HIVEP3: variants seen among roughly 807,000 people sequenced by gnomAD.
The protein encoded by HIVEP3 is HIVEP zinc finger 3.
In HIVEP3, 49 loss-of-function variants were observed where a neutral mutation model predicts 152.8. The ratio of observed to expected loss-of-function variants is 0.32; its 90% CI spans 0.26 to 0.41. The LOEUF (loss-of-function observed/expected upper bound fraction) is 0.41. Among genes scored for constraint, HIVEP3 ranks in the 10% least tolerant of loss-of-function variants. The pLI is 1.00. For missense variants in HIVEP3, 2,790 were observed against 3,103.3 expected, an observed-to-expected ratio of 0.90 and a Z score of 2.40; for synonymous variants, 1,269 against 1,289.0, an observed-to-expected ratio of 0.98 and a Z score of 0.33.
intron 1 of HIVEP3, among the ~76,000 whole-genome samples, chr1:41,916,117 C>A (rs1205930334): frequency 6.6e-6 from 1 of 152,212 alleles, no homozygotes; most frequent in Non-Finnish European, 1.5e-5. Flanking sequence ...GGACTTCAGA[C>A]TAAATGCATC....
chr1:41,593,330 T>A (rs531600306), intron 3 of HIVEP3, among the ~76,000 whole-genome samples: 1 of 152,358 alleles, frequency 6.6e-6, no homozygotes, highest in South Asian at 2.1e-4. Flanking sequence ...TTTCTTTTTT[T>A]AAATCTATGT....
At chr1:41,619,642 T>A (rs1280896852) in intron 3 of HIVEP3, among the ~76,000 whole-genome samples, 1 of 152,076 alleles carries the variant, frequency 6.6e-6, no homozygotes, top group Non-Finnish European at 1.5e-5. Flanking sequence ...GTCACCTGAC[T>A]GGTATGGGTG....
intron 2 of HIVEP3, among the ~76,000 whole-genome samples, chr1:41,660,937 A>G (rs1445411018): frequency 2.6e-5 from 4 of 152,216 alleles, no homozygotes; most frequent in African/African-American, 9.6e-5. Context: ...GGCACACAGG[A>G]CACTTATTAA....
intron 1 of HIVEP3, among the ~76,000 whole-genome samples, chr1:41,882,087 C>A (rs1644270814): frequency 6.6e-6 from 1 of 152,140 alleles, no homozygotes; most frequent in Admixed American, 6.5e-5. Flanking sequence ...TCATAAAAAT[C>A]CAAGAAACCA....
chr1:41,722,403 G>GCCTGCCTGCCTTCCTT (rs1553253035), intron 1 of HIVEP3, among the ~76,000 whole-genome samples: 8 of 113,054 alleles, frequency 7.1e-5, no homozygotes, highest in African/African-American at 2.9e-4. Context: ...AATTTGGCTG[G>GCCTGCCTGCCTTCCTT]CCTTCCTTCC....
chr1:41,509,303 G>T lies in HIVEP3; in HGVS notation c.*1148C>A, dbSNP rs1040822053. 2.0e-5 allele frequency: 3 copies of T among 152,214 alleles called. No individual in the cohort carries two copies. The highest frequency in any genetic ancestry group is 7.2e-5 in the African/African-American group (3 of 41,428). 9.4% of individuals were successfully genotyped at this position (152,214 alleles called of 1,614,324 possible). On this transcript the variant is annotated 3_prime_UTR_variant, in exon 9 of 9. Transcript: ENST00000372583. Reference sequence around the variant, plus strand: ...GTTGTGGGTATTTCCTTGGGGTAGTGGAGACAGGGGCAGGGACGGGGGGAA... The same window carrying T: ...GTTGTGGGTATTTCCTTGGGGTAGTTGAGACAGGGGCAGGGACGGGGGGAA...
At chr1:41,696,559 C>T (rs973346312) in intron 2 of HIVEP3, among the ~76,000 whole-genome samples, 2 of 152,234 alleles carry the variant, frequency 1.3e-5, no homozygotes, top group African/African-American at 2.4e-5. Context: ...CCGCCAGACA[C>T]ACTGAACATC....
intron 1 of HIVEP3, among the ~76,000 whole-genome samples, chr1:41,995,964 A>T (rs1391972179): frequency 1.3e-5 from 2 of 152,134 alleles, no homozygotes; most frequent in Non-Finnish European, 2.9e-5. Context: ...TGCCTCAACA[A>T]ATCACCCCAA....
chr1:41,909,993 G>T (rs1353175545), intron 1 of HIVEP3, among the ~76,000 whole-genome samples: 1 of 151,750 alleles, frequency 6.6e-6, no homozygotes, highest in African/African-American at 2.4e-5. Flanking sequence ...GGGGAAAAAA[G>T]CCTGAAAATT....
At chr1:41,978,820 A>G (rs1389769716) in intron 1 of HIVEP3, among the ~76,000 whole-genome samples, 1 of 152,164 alleles carries the variant, frequency 6.6e-6, no homozygotes, top group African/African-American at 2.4e-5. Flanking sequence ...GGGGACAAGT[A>G]GAGTTTGAAA....
At chr1:41,731,700 G>A (rs1201593539) in intron 1 of HIVEP3, among the ~76,000 whole-genome samples, 2 of 152,196 alleles carry the variant, frequency 1.3e-5, no homozygotes, top group East Asian at 3.9e-4. Flanking sequence ...GACATGCCAA[G>A]CCTGTGAGGG....
At chr1:41,779,953 C>T (rs894051105) in intron 1 of HIVEP3, among the ~76,000 whole-genome samples, 1 of 152,188 alleles carries the variant, frequency 6.6e-6, no homozygotes, top group African/African-American at 2.4e-5. Context: ...AACCTCATTT[C>T]CCTCACTTCC....
At chr1:41,923,015 T>A (rs573867170), upstream of HIVEP3, among the ~76,000 whole-genome samples, 26 of 152,146 alleles carry the variant, frequency 1.7e-4, no homozygotes, top group East Asian at 4.8e-3. Context: ...ATCAAAAAAA[T>A]TCACAAAGAA....
intron 1 of HIVEP3, among the ~76,000 whole-genome samples, chr1:41,988,387 AAAAT>A (rs1394388215): frequency 1.3e-5 from 2 of 152,036 alleles, no homozygotes; most frequent in Non-Finnish European, 2.9e-5. Flanking sequence ...CAATATTAAG[AAAAT>A]AAATAACATG....
At chr1:41,528,122 C>A (rs546117621) in intron 5 of HIVEP3, among the ~76,000 whole-genome samples, 74 of 139,700 alleles carry the variant, frequency 5.3e-4, no homozygotes, top group African/African-American at 2.0e-3. Flanking sequence ...CACACCCTTA[C>A]CCTCACCTTC....
chr1:41,879,437 G>T (rs1305758815), intron 1 of HIVEP3, among the ~76,000 whole-genome samples: 2 of 152,204 alleles, frequency 1.3e-5, no homozygotes, highest in Non-Finnish European at 2.9e-5. Flanking sequence ...AGGATACCTT[G>T]CAGCCATTTG....
chr1:41,537,518 G>T (rs113489707), intron 5 of HIVEP3, among the ~76,000 whole-genome samples: 1 of 152,218 alleles, frequency 6.6e-6, no homozygotes, highest in Non-Finnish European at 1.5e-5. Context: ...TGGTGAGCTG[G>T]CTGGCTTGTC....
chr1:41,534,081 C>T (rs953267684), intron 5 of HIVEP3, among the ~76,000 whole-genome samples: 4 of 152,170 alleles, frequency 2.6e-5, no homozygotes, highest in African/African-American at 9.7e-5. Flanking sequence ...AATGCATGCT[C>T]CAAGGGTGCC....
chr1:41,569,975 T>A (rs548637931), intron 5 of HIVEP3, among the ~76,000 whole-genome samples: 1 of 152,240 alleles, frequency 6.6e-6, no homozygotes, highest in African/African-American at 2.4e-5. Flanking sequence ...CAGTATGCGC[T>A]GTGCTGTGGA....
Sources: allele counts gnomAD v4.1 joint callset (sites outside exome capture counted in the v4.1 genomes callset), GRCh38; gene constraint gnomAD v4.1.1; transcripts MANE v1.5; gene names NCBI Gene and HGNC (gene_info 2026-07-23, HGNC 2026-07-21).